CRPPA: variants seen among roughly 807,000 people sequenced by gnomAD.
CRPPA encodes the protein CDP-L-ribitol pyrophosphorylase A.
Under a neutral mutation model 52.0 loss-of-function variants are expected in CRPPA, and 43 were observed. The observed-to-expected ratio is 0.83, with a 90% CI of 0.65 to 1.07. The LOEUF is 1.07. Ranked by LOEUF, CRPPA falls within the 50% of genes least tolerant of loss-of-function variation. The pLI, the probability that CRPPA is intolerant of heterozygous loss-of-function variation, is 0.00. For missense variants in CRPPA, 629 were observed against 551.7 expected, an observed-to-expected ratio of 1.14 and a Z score of -1.40; for synonymous variants, 250 against 203.5, an observed-to-expected ratio of 1.23 and a Z score of -1.94.
chr7:16,347,726 A>G (rs1413369870), intron 3 of CRPPA, among the ~76,000 whole-genome samples: 2 of 152,192 alleles, frequency 1.3e-5, no homozygotes, highest in African/African-American at 2.4e-5. Flanking sequence ...GAAAAAGCTG[A>G]GGCACACTCA....
chr7:16,209,551 C>T (rs759203387), intron 9 of CRPPA, among the ~76,000 whole-genome samples: 22 of 151,922 alleles, frequency 1.4e-4, no homozygotes, highest in Non-Finnish European at 2.9e-4. Flanking sequence ...GGATTGCAGG[C>T]GTGAGCCATG....
At chr7:16,103,967 C>T (rs891711808) in intron 9 of CRPPA, among the ~76,000 whole-genome samples, 2 of 151,992 alleles carry the variant, frequency 1.3e-5, no homozygotes, top group Non-Finnish European at 2.9e-5. Context: ...TAAAATGGGC[C>T]AATTCAAACA....
chr7:16,284,247 G>C (rs1784378160), intron 5 of CRPPA, among the ~76,000 whole-genome samples: 2 of 151,942 alleles, frequency 1.3e-5, no homozygotes, highest in Admixed American at 6.6e-5. Context: ...TTTCCAACTA[G>C]TACAATGATT....
chr7:16,295,555 T>C lies in CRPPA; in HGVS notation c.835+5866A>G, dbSNP rs1011171010. On this transcript the variant is annotated intron_variant, in intron 5 of 9. Coordinates refer to ENST00000407010, the MANE Select transcript of CRPPA (RefSeq NM_001101426.4). Reference sequence around the variant, plus strand: ...TGTTAAAAGTACTCTTTAGCCACAATATTGAATATATTAAGTAGATGAAGA... The same window carrying C: ...TGTTAAAAGTACTCTTTAGCCACAACATTGAATATATTAAGTAGATGAAGA... Among the ~76,000 whole-genome samples, 4 of 152,168 alleles carry C rather than the reference T, an allele frequency of 2.6e-5. No homozygotes were observed. In the South Asian group the frequency reaches 8.3e-4, roughly 31 times the overall value.
chr7:16,242,036 G>GC (rs1483723845), intron 8 of CRPPA, among the ~76,000 whole-genome samples: 2 of 129,678 alleles, frequency 1.5e-5, no homozygotes, highest in African/African-American at 3.0e-5. Context: ...TCGGTTCACT[G>GC]CCCCCCGGGT....
At chr7:16,325,095 A>T (rs1785351562) in intron 3 of CRPPA, among the ~76,000 whole-genome samples, 1 of 152,210 alleles carries the variant, frequency 6.6e-6, no homozygotes, top group Non-Finnish European at 1.5e-5. Context: ...TTCAAAACTA[A>T]GCACTGACCC....
At chr7:16,309,985 G>T (rs958819227) in intron 3 of CRPPA, among the ~76,000 whole-genome samples, 2 of 152,054 alleles carry the variant, frequency 1.3e-5, no homozygotes, top group African/African-American at 4.8e-5. Context: ...GTGATAAAAT[G>T]AAATCATAAA....
In CRPPA at chr7:16,089,199, T is replaced by TATAC. The variant is rs1781762600; in HGVS notation, c.*2492_*2495dup. The TATAC allele has an allele frequency of 3.0e-6, 1 of 337,058 alleles. No individual in the cohort carries two copies. Among genetic ancestry groups the TATAC allele is most frequent in the African/African-American group, 2.6e-5 (1 of 38,748 alleles). 20.9% of individuals were successfully genotyped at this position (337,058 alleles called of 1,614,324 possible). Reference sequence around the variant, plus strand: ...GTACGTATATACATATATGTGTGTATATACGTACGTATATACATATATGTG... The same window carrying TATAC: ...GTACGTATATACATATATGTGTGTATATACATACGTACGTATATACATATATGTG... On this transcript the variant is annotated 3_prime_UTR_variant, in exon 10 of 10. Coordinates refer to ENST00000407010, the MANE Select transcript of CRPPA (RefSeq NM_001101426.4).
At chr7:16,185,106 A>G (rs1781480585) in intron 9 of CRPPA, among the ~76,000 whole-genome samples, 1 of 152,214 alleles carries the variant, frequency 6.6e-6, no homozygotes, top group Admixed American at 6.5e-5. Context: ...AACATACCCA[A>G]GACTGGGAAA....
chr7:16,328,133 T>G (rs534905280), intron 3 of CRPPA, among the ~76,000 whole-genome samples: 64 of 152,218 alleles, frequency 4.2e-4, no homozygotes, highest in Non-Finnish European at 7.8e-4. Context: ...TTACGGAATC[T>G]TTAGGGAGAT....
Position 16,105,345 on chromosome 7 carries a change from C to G in CRPPA, c.1252-13546G>C, listed in dbSNP as rs116773289. 5.5e-3 allele frequency among the ~76,000 whole-genome samples: 840 copies of G among 152,302 alleles called. 8 individuals are homozygous for G. Among genetic ancestry groups the G allele is most frequent in the African/African-American group, 0.018 (768 of 41,562 alleles). ...CACTCCAACTATGACATCCCTCATC[C>G]TCCTCTAAGATGGCACAATGCCAGA... On this transcript the variant is annotated intron_variant, in intron 9 of 9. Transcript: ENST00000407010.
At chr7:16,386,721 C>G (rs773581609) in intron 2 of CRPPA, among the ~76,000 whole-genome samples, 2 of 152,024 alleles carry the variant, frequency 1.3e-5, no homozygotes, top group Admixed American at 6.6e-5. Context: ...ACAACAAACT[C>G]TATAAATACA....
chr7:16,274,566 A>C (rs1784163830), intron 6 of CRPPA, among the ~76,000 whole-genome samples: 1 of 152,170 alleles, frequency 6.6e-6, no homozygotes, highest in Admixed American at 6.5e-5. Context: ...AAAAAAATAA[A>C]AAGTCTAATT....
intron 8 of CRPPA, among the ~76,000 whole-genome samples, chr7:16,235,582 T>C (rs980755753): frequency 1.3e-4 from 20 of 152,080 alleles, no homozygotes; most frequent in African/African-American, 4.6e-4. Flanking sequence ...GAGTTGATAG[T>C]TGTGACAAAG....
At chr7:16,328,593 C>A (rs1306094316) in intron 3 of CRPPA, among the ~76,000 whole-genome samples, 2 of 152,158 alleles carry the variant, frequency 1.3e-5, no homozygotes, top group Non-Finnish European at 2.9e-5. Context: ...TGGCTCACTG[C>A]AACCTCCGCC....
intron 9 of CRPPA, among the ~76,000 whole-genome samples, chr7:16,208,455 A>G (rs1055690511): frequency 3.3e-5 from 5 of 152,212 alleles, no homozygotes; most frequent in Non-Finnish European, 5.9e-5. Context: ...TGCAGTCTGT[A>G]ATTTCATAAT....
chr7:16,142,256 G>A (rs1309534338), intron 9 of CRPPA, among the ~76,000 whole-genome samples: 1 of 152,090 alleles, frequency 6.6e-6, no homozygotes, highest in African/African-American at 2.4e-5. Flanking sequence ...TGTTACATAG[G>A]TAAACTTGTG....
intron 3 of CRPPA, among the ~76,000 whole-genome samples, chr7:16,331,859 G>C (rs1331604595): frequency 6.6e-6 from 1 of 152,060 alleles, no homozygotes; most frequent in Non-Finnish European, 1.5e-5. Context: ...GCTATAAAAG[G>C]TGTAACATAC....
At chr7:16,227,202 G>A (rs115804248) in intron 8 of CRPPA, among the ~76,000 whole-genome samples, 112 of 152,028 alleles carry the variant, frequency 7.4e-4, no homozygotes, top group African/African-American at 2.6e-3. Flanking sequence ...GAACATAAGA[G>A]TACAGATGTC....
Sources: gnomAD v4.1 joint callset for allele counts (sites outside exome capture counted in the v4.1 genomes callset) on GRCh38, gnomAD v4.1.1 for gene constraint, MANE v1.5 for transcripts, NCBI Gene and HGNC (gene_info 2026-07-23, HGNC 2026-07-21) for gene names.